Variants in VGLL4 observed in about 807,000 individuals in gnomAD.
VGLL4 encodes vestigial like family member 4, also known as transcription cofactor vestigial-like protein 4.
VGLL4 carries 7 observed loss-of-function variants against 21.0 expected under a neutral mutation model. The observed-to-expected ratio is 0.33, with a 90% CI of 0.19 to 0.63. The LOEUF is 0.63. VGLL4 is among the 20% of genes least tolerant of loss of function. The pLI is 0.78. For synonymous variants in VGLL4, 222 were observed against 173.2 expected, an observed-to-expected ratio of 1.28 and a Z score of -2.21; for missense variants, 394 against 425.7, an observed-to-expected ratio of 0.93 and a Z score of 0.66.
At chr3:11,609,661 C>A (rs772604997) in intron 1 of VGLL4, among the ~76,000 whole-genome samples, 2 of 152,186 alleles carry the variant, frequency 1.3e-5, no homozygotes, top group South Asian at 4.1e-4. Flanking sequence ...AGGGATAAGG[C>A]GGCGTTAGCA....
At chr3:11,587,929 C>A (rs2074397357) in intron 2 of VGLL4, among the ~76,000 whole-genome samples, 1 of 152,214 alleles carries the variant, frequency 6.6e-6, no homozygotes, top group Non-Finnish European at 1.5e-5. Flanking sequence ...GCTGGTGCTA[C>A]CGACTGAACC....
chr3:11,689,078 C>A (rs981427089), intron 2 of VGLL4, among the ~76,000 whole-genome samples: 1 of 151,732 alleles, frequency 6.6e-6, no homozygotes, highest in Admixed American at 6.6e-5. Context: ...TGAGGAGATA[C>A]TGGTTAAAAA....
chr3:11,645,125 T>G (rs1039868035), upstream of VGLL4, among the ~76,000 whole-genome samples: 4 of 151,606 alleles, frequency 2.6e-5, no homozygotes, highest in Admixed American at 6.6e-5. Context: ...CAAAAACTGT[T>G]TACTGAACGA....
intron 2 of VGLL4, among the ~76,000 whole-genome samples, chr3:11,577,613 A>G (rs1000210303): frequency 1.3e-5 from 2 of 152,158 alleles, no homozygotes; most frequent in African/African-American, 4.8e-5. Flanking sequence ...TGTACACTGG[A>G]AAGATTGGAT....
chr3:11,559,369 G>C lies in VGLL4; in HGVS notation c.582C>G (p.Ala194=). Residue 194 remains alanine, a synonymous_variant, in exon 4 of 5, where the codon GCC becomes GCG. Coordinates refer to ENST00000430365, the MANE Select transcript of VGLL4 (RefSeq NM_001128219.3). ...TCCGGTAGCTGGCAGGCCCGGGCGC[G>C]GCACAGCCGCTGTGCGCGATGGGGC... ...SHCPIAHSGC[A]APGPASYRRP... 6.4e-7 allele frequency: 1 copy of C among 1,552,404 alleles called. No individual in the cohort carries two copies. Among genetic ancestry groups the C allele is most frequent in the South Asian group, 1.2e-5 (1 of 84,166 alleles).
chr3:11,610,116 A>G (rs2075029363), intron 1 of VGLL4: 2 of 151,222 alleles, frequency 1.3e-5, no homozygotes, highest in East Asian at 3.9e-4. Flanking sequence ...ACCACAGCCC[A>G]TGGCAACCGA....
intron 1 of VGLL4, among the ~76,000 whole-genome samples, chr3:11,614,022 A>G (rs1245878139): frequency 6.6e-6 from 1 of 152,152 alleles, no homozygotes; most frequent in Non-Finnish European, 1.5e-5. Flanking sequence ...CTGACTTTCT[A>G]TGACTGTTTC....
chr3:11,712,852 C>T (rs536151943), intron 1 of VGLL4, among the ~76,000 whole-genome samples: 4 of 152,228 alleles, frequency 2.6e-5, no homozygotes, highest in Admixed American at 1.3e-4. Context: ...GGAAGCAAGC[C>T]CTTACCCGTC....
chr3:11,626,765 G>T (rs1040345867), intron 1 of VGLL4, among the ~76,000 whole-genome samples: 4 of 152,142 alleles, frequency 2.6e-5, no homozygotes. Context: ...CTCAACAAAG[G>T]AAGACAAGCA....
chr3:11,634,718 C>G (rs574819689), intron 1 of VGLL4, among the ~76,000 whole-genome samples: 1 of 151,894 alleles, frequency 6.6e-6, no homozygotes, highest in East Asian at 1.9e-4. Flanking sequence ...CACTCTGTTG[C>G]CCAGGCCAGA....
At chr3:11,642,331 G>A (rs2075709152) in intron 1 of VGLL4, among the ~76,000 whole-genome samples, 1 of 152,000 alleles carries the variant, frequency 6.6e-6, no homozygotes, top group Non-Finnish European at 1.5e-5. Context: ...TCCTTGAAGG[G>A]GAAAAATACT....
At chr3:11,567,953 G>A (rs958202104) in intron 2 of VGLL4, among the ~76,000 whole-genome samples, 1 of 152,236 alleles carries the variant, frequency 6.6e-6, no homozygotes, top group African/African-American at 2.4e-5. Flanking sequence ...GAGAGCCTCA[G>A]ACACAGTCTG....
At chr3:11,680,994 CTCTT>C (rs1461212547) in intron 2 of VGLL4, among the ~76,000 whole-genome samples, 2 of 152,262 alleles carry the variant, frequency 1.3e-5, no homozygotes, top group East Asian at 3.9e-4. Flanking sequence ...CCCTTCCCTT[CTCTT>C]TCTATGGGTC....
chr3:11,582,557 G>A (rs888824955), intron 2 of VGLL4, among the ~76,000 whole-genome samples: 4 of 152,188 alleles, frequency 2.6e-5, no homozygotes, highest in African/African-American at 7.2e-5. Flanking sequence ...AACGCTACAC[G>A]CATCATTACA....
chr3:11,586,464 G>A (rs927390163), intron 2 of VGLL4, among the ~76,000 whole-genome samples: 7 of 152,200 alleles, frequency 4.6e-5, no homozygotes, highest in African/African-American at 1.7e-4. Context: ...ATATCCTCAA[G>A]TTCTGCATCC....
intron 2 of VGLL4, among the ~76,000 whole-genome samples, chr3:11,591,106 C>A (rs1234937716): frequency 6.6e-6 from 1 of 152,118 alleles, no homozygotes; most frequent in Admixed American, 6.6e-5. Context: ...AGCATCTTCG[C>A]GAAGACAGCA....
intron 2 of VGLL4, chr3:11,582,218 A>T: frequency 6.5e-7 from 1 of 1,546,354 alleles, no homozygotes; most frequent in Non-Finnish European, 8.8e-7. Flanking sequence ...AGCTGAAAAT[A>T]CAGGGTTGCC....
In VGLL4 at chr3:11,602,022, C is replaced by T; in HGVS notation, c.83G>A (p.Gly28Asp). 6.4e-7 allele frequency: 1 copy of T among 1,554,290 alleles called. No individual in the cohort carries two copies. The highest frequency in any genetic ancestry group is 8.7e-7 in the Non-Finnish European group (1 of 1,155,896). The stretch of plus-strand genomic sequence containing the variant: ...GGGTTCTCCCCTGAGAGCAGCTTCG[C>T]CTACGCAGAGAGAGATGATGTAGTC... ...NNNIGILCYE[G>D]EAALRGEPRI... Residue 28 changes from glycine to aspartate, a missense_variant and splice_region_variant, in exon 2 of 5, where the codon GGC becomes GAC. By Grantham distance (94) the Gly-to-Asp change is moderately conservative. Transcript: ENST00000430365.
chr3:11,583,946 G>A lies in VGLL4; in HGVS notation c.272+17887C>T, dbSNP rs150550811. ...AACAATAAGCTTCCCTCCGCTCCAC[G>A]GCAGACATGTGTATTAAACACATAC... On this transcript the variant is annotated intron_variant, in intron 2 of 4. Coordinates refer to ENST00000430365, the MANE Select transcript of VGLL4 (RefSeq NM_001128219.3). 1.9e-3 allele frequency among the ~76,000 whole-genome samples: 282 copies of A among 152,264 alleles called. 1 individual carries two copies. The highest frequency in any genetic ancestry group is 6.6e-3 in the African/African-American group (273 of 41,536).
Sources: gnomAD v4.1 joint callset for allele counts (sites outside exome capture counted in the v4.1 genomes callset) on GRCh38, gnomAD v4.1.1 for gene constraint, MANE v1.5 for transcripts, NCBI Gene and HGNC (gene_info 2026-07-23, HGNC 2026-07-21) for gene names.